Variants in KCNMA1 observed in about 807,000 individuals in gnomAD.
KCNMA1 encodes the protein potassium calcium-activated channel subfamily M alpha 1, also known as Calcium-activated potassium channel subunit alpha-1.
KCNMA1 carries 29 observed loss-of-function variants against 140.0 expected under a neutral mutation model. The ratio of observed to expected loss-of-function variants is 0.21; its 90% CI spans 0.15 to 0.28. KCNMA1 has a LOEUF of 0.28. Ranked by LOEUF, KCNMA1 falls within the 10% of genes least tolerant of loss-of-function variation. The probability of loss-of-function intolerance (pLI) is 1.00; values close to 1 mark genes in which losing one functional copy is unlikely to be tolerated. For missense variants in KCNMA1, 880 were observed against 1,602.2 expected, an observed-to-expected ratio of 0.55 and a Z score of 7.70; for synonymous variants, 612 against 611.9, an observed-to-expected ratio of 1.00 and a Z score of 0.00.
chr10:77,155,374 A>G (rs1452419762), intron 5 of KCNMA1, among the ~76,000 whole-genome samples: 3 of 152,190 alleles, frequency 2.0e-5, no homozygotes, highest in Admixed American at 6.5e-5. Flanking sequence ...TTATTCCCAC[A>G]ACACCTTACA....
intron 1 of KCNMA1, among the ~76,000 whole-genome samples, chr10:77,533,369 GT>G (rs1371181507): frequency 2.0e-5 from 3 of 152,172 alleles, no homozygotes; most frequent in Admixed American, 2.0e-4. Context: ...TCCGGGTCTA[GT>G]TTCCCTTCCC....
chr10:77,624,020 G>A (rs1224191823), intron 1 of KCNMA1, among the ~76,000 whole-genome samples: 4 of 152,018 alleles, frequency 2.6e-5, no homozygotes, highest in East Asian at 3.9e-4. Context: ...AGTTTTTTTC[G>A]GAGGTTACTG....
At chr10:77,557,484 G>A (rs889953688) in intron 1 of KCNMA1, among the ~76,000 whole-genome samples, 1 of 152,184 alleles carries the variant, frequency 6.6e-6, no homozygotes, top group Admixed American at 6.5e-5. Flanking sequence ...GTTCATGAGA[G>A]AATCTTGGGC....
intron 2 of KCNMA1, among the ~76,000 whole-genome samples, chr10:77,275,488 T>C (rs146490550): frequency 1.1e-4 from 17 of 152,256 alleles, no homozygotes; most frequent in Admixed American, 3.3e-4. Context: ...CAGAGAGGAA[T>C]TGACTTGTCC....
At chr10:77,091,004 G>T (rs900053538) in intron 9 of KCNMA1, 1 of 187,890 alleles carries the variant, frequency 5.3e-6, no homozygotes, top group African/African-American at 2.3e-5. Context: ...TATCAGGGTG[G>T]CTAATGTGCG....
intron 20 of KCNMA1, among the ~76,000 whole-genome samples, chr10:76,961,990 G>A (rs2071683758): frequency 6.6e-6 from 1 of 152,182 alleles, no homozygotes; most frequent in African/African-American, 2.4e-5. Flanking sequence ...TTGAGGATTC[G>A]CAGAGCAAGA....
chr10:77,052,372 G>A (rs2095401458), intron 14 of KCNMA1, among the ~76,000 whole-genome samples: 1 of 152,136 alleles, frequency 6.6e-6, no homozygotes, highest in South Asian at 2.1e-4. Context: ...AATGGATCAT[G>A]TGTGGGTAGC....
intron 1 of KCNMA1, among the ~76,000 whole-genome samples, chr10:77,422,137 AC>A (rs902931224): frequency 2.0e-5 from 3 of 152,206 alleles, no homozygotes; most frequent in African/African-American, 7.2e-5. Context: ...TTCTTCTTTA[AC>A]CCAAAATATC....
Position 77,391,179 on chromosome 10 carries a change from G to A in KCNMA1, c.540+12683C>T, listed in dbSNP as rs184363155. Among the ~76,000 whole-genome samples, 24 of 152,218 alleles carry A rather than the reference G, an allele frequency of 1.6e-4. No individual in the cohort carries two copies. The East Asian group carries it at 4.1e-3, about 26-fold the overall frequency. On this transcript the variant is annotated intron_variant, in intron 2 of 27. Transcript: ENST00000286628. Reference sequence around the variant, plus strand: ...AATATGCCCAGTCCATCTACCTTCCGAATTAACCAACCTCCAGTAAACAAG... The same window carrying A: ...AATATGCCCAGTCCATCTACCTTCCAAATTAACCAACCTCCAGTAAACAAG...
At chr10:76,907,468 C>A (rs2048269183) in intron 25 of KCNMA1, among the ~76,000 whole-genome samples, 1 of 152,170 alleles carries the variant, frequency 6.6e-6, no homozygotes, top group Non-Finnish European at 1.5e-5. Context: ...GGAACCAGGG[C>A]TGGTTTCATG....
At chr10:77,202,919 A>G (rs2042909503) in intron 3 of KCNMA1, among the ~76,000 whole-genome samples, 1 of 152,192 alleles carries the variant, frequency 6.6e-6, no homozygotes, top group African/African-American at 2.4e-5. Flanking sequence ...GCTGCCTCTA[A>G]CAGGAACAAA....
chr10:77,362,299 C>T (rs1314283602), intron 2 of KCNMA1, among the ~76,000 whole-genome samples: 1 of 151,692 alleles, frequency 6.6e-6, no homozygotes, highest in Non-Finnish European at 1.5e-5. Context: ...AGGACACATC[C>T]TTAAGAAGAG....
intron 1 of KCNMA1, among the ~76,000 whole-genome samples, chr10:77,459,395 C>T (rs984251002): frequency 6.6e-6 from 1 of 152,218 alleles, no homozygotes. Flanking sequence ...TTGTGATCTA[C>T]AGCAGGCAGC....
chr10:77,271,609 C>T (rs1179355408), intron 2 of KCNMA1, among the ~76,000 whole-genome samples: 2 of 152,176 alleles, frequency 1.3e-5, no homozygotes, highest in African/African-American at 4.8e-5. Flanking sequence ...CAAAACAGTG[C>T]CTGGCACATA....
chr10:77,493,328 G>GAGGGCC (rs2040622274), intron 1 of KCNMA1, among the ~76,000 whole-genome samples: 1 of 152,264 alleles, frequency 6.6e-6, no homozygotes, highest in African/African-American at 2.4e-5. Flanking sequence ...AAGCCTCGCT[G>GAGGGCC]AGGGCCAGGG....
chr10:77,573,860 C>T (rs2072962240), intron 1 of KCNMA1, among the ~76,000 whole-genome samples: 1 of 140,668 alleles, frequency 7.1e-6, no homozygotes. Context: ...TTTTCTGAGA[C>T]AGGGTCTCAC....
intron 19 of KCNMA1, among the ~76,000 whole-genome samples, chr10:76,976,790 T>G (rs763902670): frequency 1.3e-5 from 2 of 152,176 alleles, no homozygotes; most frequent in Admixed American, 6.5e-5. Flanking sequence ...TTCCCTGGAA[T>G]AGACTCTCTA....
chr10:76,889,742 C>T, intron 26 of KCNMA1, 173 bp from the exon 27 acceptor site: 1 of 669,928 alleles, frequency 1.5e-6, no homozygotes, highest in East Asian at 2.7e-5. Context: ...CAGACTACAC[C>T]CAATATGTGT....
chr10:77,079,477 C>T lies in KCNMA1; in HGVS notation c.1593+4G>A. The T allele has an allele frequency of 6.2e-7, 1 of 1,606,654 alleles. No homozygotes were observed. Among genetic ancestry groups the T allele is most frequent in the Non-Finnish European group, 8.5e-7 (1 of 1,173,658 alleles). On this transcript the variant is annotated splice_donor_region_variant and intron_variant, in intron 13 of 27. Transcript: ENST00000286628. The stretch of plus-strand genomic sequence containing the variant: ...AGACCTGGAGCGGGCTCTCGCACTC[C>T]TACCTTGTTGTGATACTGCAGCATT...
Sources: gnomAD v4.1 joint callset for allele counts (sites outside exome capture counted in the v4.1 genomes callset) on GRCh38, gnomAD v4.1.1 for gene constraint, MANE v1.5 for transcripts, NCBI Gene and HGNC (gene_info 2026-07-23, HGNC 2026-07-21) for gene names.